RFX3: variants seen among roughly 807,000 people sequenced by gnomAD.
RFX3 encodes the protein transcription factor RFX3.
In RFX3, 14 loss-of-function variants were observed where a neutral mutation model predicts 98.6. That is an observed-to-expected ratio of 0.14 (90% CI 0.09 to 0.22). RFX3 has a LOEUF of 0.22. Ranked by LOEUF, RFX3 falls within the 10% of genes least tolerant of loss-of-function variation. The probability of loss-of-function intolerance (pLI) is 1.00; values close to 1 mark genes in which losing one functional copy is unlikely to be tolerated. For missense variants in RFX3, 639 were observed against 926.9 expected (o/e 0.69, Z 4.03); for synonymous variants, 383 against 328.4 (o/e 1.17, Z -1.80).
chr9:3,239,643 C>T (rs1379147265), intron 15 of RFX3, among the ~76,000 whole-genome samples: 1 of 152,186 alleles, frequency 6.6e-6, no homozygotes, highest in East Asian at 1.9e-4. Flanking sequence ...GCCTTAGTTG[C>T]CTTTGAAGAG....
chr9:3,260,724 A>T (rs975997154), intron 13 of RFX3, among the ~76,000 whole-genome samples: 1 of 151,576 alleles, frequency 6.6e-6, no homozygotes. Flanking sequence ...CCACGGAAAT[A>T]TGTAAAGTAA....
intron 11 of RFX3, among the ~76,000 whole-genome samples, chr9:3,268,522 A>T (rs1002963058): frequency 1.3e-5 from 2 of 151,834 alleles, no homozygotes; most frequent in South Asian, 4.2e-4. Flanking sequence ...ACTTTGCTAC[A>T]CCTCATTGTA....
At chr9:3,340,210 C>A (rs569431224) in intron 3 of RFX3, among the ~76,000 whole-genome samples, 1 of 152,288 alleles carries the variant, frequency 6.6e-6, no homozygotes, top group East Asian at 1.9e-4. Flanking sequence ...ATGTAGAAAG[C>A]TGAAACTGGA....
At chr9:3,307,754 T>C (rs879427079) in intron 4 of RFX3, among the ~76,000 whole-genome samples, 13 of 152,228 alleles carry the variant, frequency 8.5e-5, no homozygotes, top group Non-Finnish European at 1.6e-4. Flanking sequence ...CAGATCATTT[T>C]GTTATTGAAA....
chr9:3,288,571 G>A (rs955811290), intron 6 of RFX3, among the ~76,000 whole-genome samples: 1 of 151,916 alleles, frequency 6.6e-6, no homozygotes, highest in Admixed American at 6.6e-5. Flanking sequence ...TTTAAATTTA[G>A]TTAAGAAGGG....
intron 1 of RFX3, among the ~76,000 whole-genome samples, chr9:3,504,919 AACATATATT>A (rs1816712261): frequency 1.6e-5 from 1 of 62,276 alleles, no homozygotes; most frequent in Non-Finnish European, 2.4e-5. Context: ...TATATAATAT[AACATATATT>A]ATATATAATA....
intron 15 of RFX3, among the ~76,000 whole-genome samples, chr9:3,243,984 T>A (rs536615892): frequency 6.7e-6 from 1 of 149,152 alleles, no homozygotes; most frequent in East Asian, 2.0e-4. Context: ...TCTCATTTCT[T>A]CTTCTTTTTT....
intron 15 of RFX3, among the ~76,000 whole-genome samples, chr9:3,235,032 A>C (rs2130770521): frequency 6.6e-6 from 1 of 152,366 alleles, no homozygotes; most frequent in South Asian, 2.1e-4. Flanking sequence ...ATATACAGGC[A>C]AAGAGAGACA....
chr9:3,386,658 T>C (rs1337225394), intron 2 of RFX3, among the ~76,000 whole-genome samples: 1 of 152,048 alleles, frequency 6.6e-6, no homozygotes, highest in Non-Finnish European at 1.5e-5. Context: ...TAATAGTCAA[T>C]AGTATCAAGT....
intron 15 of RFX3, 41 bp from the exon 16 acceptor site, chr9:3,228,930 C>A: frequency 1.3e-6 from 2 of 1,553,968 alleles, no homozygotes; most frequent in Non-Finnish European, 8.8e-7. Context: ...TAATATAGGG[C>A]AGAATAAAAT....
chr9:3,429,146 C>T (rs182716606), intron 1 of RFX3, among the ~76,000 whole-genome samples: 1 of 151,146 alleles, frequency 6.6e-6, no homozygotes, highest in African/African-American at 2.4e-5. Context: ...CCTCAGCCTC[C>T]CAAGTAGCTG....
intron 3 of RFX3, 100 bp downstream of exon 3, chr9:3,346,567 T>G (rs1031417882): frequency 1.3e-6 from 1 of 763,488 alleles, no homozygotes; most frequent in Non-Finnish European, 2.3e-6. Context: ...AAAATTACTT[T>G]GAAAACAAGG....
At chr9:3,348,380 C>A (rs192658421) in intron 2 of RFX3, among the ~76,000 whole-genome samples, 2 of 151,922 alleles carry the variant, frequency 1.3e-5, no homozygotes, top group Non-Finnish European at 2.9e-5. Flanking sequence ...TATGTTGCCA[C>A]CTGGGTCTAT....
At position 3,322,864 on chromosome 9, in the gene RFX3, C is replaced by T. The variant is rs146476589; in HGVS notation, c.474+7395G>A. 4.3e-4 allele frequency among the ~76,000 whole-genome samples: 65 copies of T among 152,280 alleles called. 1 individual carries two copies. The East Asian group carries it at 0.012, about 28-fold the overall frequency. ...TACAAGTTCTGACCTCTTTACCTCCCTTTGAATTTGTATTTCCTTTCTTTT... is the reference window on the plus strand; with the variant it reads ...TACAAGTTCTGACCTCTTTACCTCCTTTTGAATTTGTATTTCCTTTCTTTT... On this transcript the variant is annotated intron_variant, in intron 4 of 16. Coordinates refer to ENST00000617270, the MANE Select transcript of RFX3 (RefSeq NM_001282116.2).
intron 3 of RFX3, among the ~76,000 whole-genome samples, chr9:3,340,265 A>C (rs983670295): frequency 6.6e-6 from 1 of 152,200 alleles, no homozygotes; most frequent in Non-Finnish European, 1.5e-5. Flanking sequence ...AGATGGATTA[A>C]AGACTTAAAT....
intron 2 of RFX3, among the ~76,000 whole-genome samples, chr9:3,370,161 T>G (rs1837675112): frequency 6.7e-6 from 1 of 149,818 alleles, no homozygotes. Flanking sequence ...TTTTTAAGAC[T>G]GCTGGTTAGG....
intron 1 of RFX3, among the ~76,000 whole-genome samples, chr9:3,515,936 T>C (rs1818111888): frequency 1.3e-5 from 2 of 152,150 alleles, no homozygotes; most frequent in South Asian, 4.1e-4. Context: ...AAGAGTTGAG[T>C]TACAGCAGAA....
At chr9:3,424,324 G>C (rs919645824) in intron 1 of RFX3, among the ~76,000 whole-genome samples, 1 of 144,984 alleles carries the variant, frequency 6.9e-6, no homozygotes, top group African/African-American at 2.5e-5. Flanking sequence ...AGCAACAGTA[G>C]AGTCACTGTA....
chr9:3,308,471 G>A lies in RFX3; in HGVS notation c.475-6851C>T, dbSNP rs1829585200. ...GAAAAGTGATAAAAGACGATGAAAAGTTGCCCAGCCTTAGGAATTATATGT... is the reference window on the plus strand; with the variant it reads ...GAAAAGTGATAAAAGACGATGAAAAATTGCCCAGCCTTAGGAATTATATGT... On this transcript the variant is annotated intron_variant, in intron 4 of 16. Transcript: ENST00000617270. Among the ~76,000 whole-genome samples, 3 of 152,296 alleles carry A rather than the reference G, an allele frequency of 2.0e-5. No individual in the cohort carries two copies. The South Asian group carries it at 6.2e-4, about 32-fold the overall frequency.
Sources: allele counts gnomAD v4.1 joint callset (sites outside exome capture counted in the v4.1 genomes callset), GRCh38; gene constraint gnomAD v4.1.1; transcripts MANE v1.5; gene names NCBI Gene and HGNC (gene_info 2026-07-23, HGNC 2026-07-21).